ZNF277: variants seen among roughly 807,000 people sequenced by gnomAD.
ZNF277 encodes the protein zinc finger protein 277.
ZNF277 carries 55 observed loss-of-function variants against 60.7 expected under a neutral mutation model. The ratio of observed to expected loss-of-function variants is 0.91; its 90% CI spans 0.73 to 1.13. The LOEUF (loss-of-function observed/expected upper bound fraction) is 1.13. Among genes scored for constraint, ZNF277 ranks in the 50% most tolerant of loss-of-function variants. The pLI, the probability that ZNF277 is intolerant of heterozygous loss-of-function variation, is 0.00. For missense variants in ZNF277, 510 were observed against 523.0 expected (o/e 0.98, Z 0.24); for synonymous variants, 178 against 179.3 (o/e 0.99, Z 0.06).
chr7:112,288,809 A>G (rs901058689), intron 2 of ZNF277: 2 of 152,260 alleles, frequency 1.3e-5, no homozygotes, highest in African/African-American at 4.8e-5. Context: ...TCTTTGGTCA[A>G]GGGTATACGA....
At chr7:112,207,833 T>C (rs1306091170) in intron 1 of ZNF277, among the ~76,000 whole-genome samples, 1 of 152,200 alleles carries the variant, frequency 6.6e-6, no homozygotes, top group African/African-American at 2.4e-5. Flanking sequence ...AGAGTTGAAG[T>C]GCAGTTTTTT....
intron 8 of ZNF277, 62 bp downstream of exon 8, chr7:112,336,233 A>T (rs760147153): frequency 6.9e-7 from 1 of 1,450,902 alleles, no homozygotes; most frequent in Non-Finnish European, 9.4e-7. Flanking sequence ...ACAATGCTTT[A>T]GTTTGGTTTA....
chr7:112,283,647 CAT>C (rs1791997457), intron 1 of ZNF277, among the ~76,000 whole-genome samples: 1 of 152,070 alleles, frequency 6.6e-6, no homozygotes, highest in African/African-American at 2.4e-5. Flanking sequence ...GTTTGGTTCT[CAT>C]ATGTGTGAAT....
chr7:112,337,724 A>T lies in ZNF277; in HGVS notation c.870-6A>T, dbSNP rs763493371. 6.2e-7 allele frequency: 1 copy of T among 1,609,980 alleles called. No individual in the cohort carries two copies. The highest frequency in any genetic ancestry group is 2.2e-5 in the East Asian group (1 of 44,798). ...TCCGTATTTTCTCTCCTCTTTTTTA[A>T]TTCAGTGACTGGTCTGATTGGGAAG... On this transcript the variant is annotated splice_polypyrimidine_tract_variant and splice_region_variant and intron_variant, in intron 8 of 11. Transcript: ENST00000361822.
At chr7:112,269,200 G>C (rs1455797382) in intron 1 of ZNF277, among the ~76,000 whole-genome samples, 3 of 72,432 alleles carry the variant, frequency 4.1e-5, no homozygotes, top group Non-Finnish European at 7.1e-5. Flanking sequence ...AAATACAATG[G>C]ATTTTTTTTG....
chr7:112,255,228 TA>T (rs781590332), intron 1 of ZNF277, among the ~76,000 whole-genome samples: 2 of 152,084 alleles, frequency 1.3e-5, no homozygotes, highest in African/African-American at 4.8e-5. Context: ...AAGCATACAG[TA>T]AAAAAAGTGA....
intron 1 of ZNF277, among the ~76,000 whole-genome samples, chr7:112,278,764 C>T (rs190704456): frequency 1.7e-4 from 26 of 152,240 alleles, no homozygotes; most frequent in African/African-American, 6.3e-4. Flanking sequence ...AAATACATAA[C>T]ATGAAATCTA....
chr7:112,241,086 G>A (rs1042762136), intron 1 of ZNF277, among the ~76,000 whole-genome samples: 3 of 151,794 alleles, frequency 2.0e-5, no homozygotes, highest in East Asian at 1.9e-4. Context: ...ATCGGAGAAC[G>A]TATTTGCAAA....
chr7:112,284,256 G>A (rs1377899814), intron 1 of ZNF277, among the ~76,000 whole-genome samples: 1 of 152,108 alleles, frequency 6.6e-6, no homozygotes, highest in African/African-American at 2.4e-5. Context: ...TAATACCATA[G>A]GCTTGTTTTC....
chr7:112,207,268 G>T (rs907933885), intron 1 of ZNF277, among the ~76,000 whole-genome samples: 5 of 152,110 alleles, frequency 3.3e-5, no homozygotes, highest in African/African-American at 4.8e-5. Flanking sequence ...ATTTCCAGTC[G>T]CAGACTGGTG....
chr7:112,212,550 C>T (rs752604623), intron 1 of ZNF277, among the ~76,000 whole-genome samples: 2 of 152,054 alleles, frequency 1.3e-5, no homozygotes, highest in Non-Finnish European at 2.9e-5. Flanking sequence ...AAAGTCAGAC[C>T]TCAGTAAGTA....
chr7:112,291,282 T>A (rs1181002091), intron 2 of ZNF277, among the ~76,000 whole-genome samples: 1 of 152,148 alleles, frequency 6.6e-6, no homozygotes, highest in Non-Finnish European at 1.5e-5. Flanking sequence ...TTCAAACCTT[T>A]ATGACTATGT....
chr7:112,247,862 G>C (rs376173910), intron 1 of ZNF277, among the ~76,000 whole-genome samples: 1 of 151,922 alleles, frequency 6.6e-6, no homozygotes, highest in Non-Finnish European at 1.5e-5. Context: ...CAGCTACTTG[G>C]GGGGCTGAGG....
intron 5 of ZNF277, among the ~76,000 whole-genome samples, chr7:112,323,817 A>G (rs1387046852): frequency 2.0e-5 from 3 of 152,204 alleles, no homozygotes; most frequent in Admixed American, 2.0e-4. Flanking sequence ...TCTCAAAGCT[A>G]TTTCTGTAAT....
intron 4 of ZNF277, among the ~76,000 whole-genome samples, chr7:112,300,436 G>A (rs1792448164): frequency 6.6e-6 from 1 of 152,060 alleles, no homozygotes; most frequent in African/African-American, 2.4e-5. Context: ...TTTCTCATCA[G>A]TCTAGCTTAG....
At chr7:112,214,562 C>T (rs1216444233) in intron 1 of ZNF277, among the ~76,000 whole-genome samples, 2 of 152,132 alleles carry the variant, frequency 1.3e-5, no homozygotes, top group Non-Finnish European at 2.9e-5. Flanking sequence ...CTTTACTTCT[C>T]ACTGATCATC....
intron 1 of ZNF277, among the ~76,000 whole-genome samples, chr7:112,264,014 A>G (rs961563285): frequency 6.6e-6 from 1 of 152,128 alleles, no homozygotes; most frequent in Admixed American, 6.6e-5. Flanking sequence ...ATTGAAAAAT[A>G]TAAACAAAAA....
intron 1 of ZNF277, among the ~76,000 whole-genome samples, chr7:112,237,228 G>A (rs1328629302): frequency 1.3e-5 from 2 of 152,024 alleles, no homozygotes; most frequent in Non-Finnish European, 2.9e-5. Flanking sequence ...AGCAAAAGCA[G>A]CGCTAAGAAG....
At chr7:112,273,242 G>A (rs1046391874) in intron 1 of ZNF277, among the ~76,000 whole-genome samples, 1 of 152,200 alleles carries the variant, frequency 6.6e-6, no homozygotes, top group African/African-American at 2.4e-5. Context: ...GCTGGCATGG[G>A]TGATTCCCCT....
Sources: gnomAD v4.1 joint callset for allele counts (sites outside exome capture counted in the v4.1 genomes callset) on GRCh38, gnomAD v4.1.1 for gene constraint, MANE v1.5 for transcripts, NCBI Gene and HGNC (gene_info 2026-07-23, HGNC 2026-07-21) for gene names.